LAMA2: variants seen among roughly 807,000 people sequenced by gnomAD.
The protein encoded by LAMA2 is laminin subunit alpha 2.
LAMA2 carries 269 observed loss-of-function variants against 364.8 expected under a neutral mutation model. That is an observed-to-expected ratio of 0.74 (90% confidence interval 0.67 to 0.82). The LOEUF (loss-of-function observed/expected upper bound fraction) is 0.82. LAMA2 is among the 40% of genes least tolerant of loss of function. LAMA2 has a pLI of 0.00. For synonymous variants in LAMA2, 1,379 were observed against 1,370.6 expected (o/e 1.01, Z -0.14); for missense variants, 3,807 against 3,873.2 (o/e 0.98, Z 0.45).
intron 6 of LAMA2, among the ~76,000 whole-genome samples, chr6:129,148,624 TAAC>T (rs1169372562): frequency 6.6e-6 from 1 of 151,982 alleles, no homozygotes; most frequent in Non-Finnish European, 1.5e-5. Flanking sequence ...CCAAAAATAT[TAAC>T]AACATTTTGA....
At chr6:129,158,859 C>A (rs1473523661) in intron 8 of LAMA2, 2 of 1,613,756 alleles carry the variant, frequency 1.2e-6, no homozygotes, top group African/African-American at 2.7e-5. Context: ...TGGTCATCTT[C>A]TTCTATGATG....
chr6:129,296,724 C>T (rs892658747), intron 20 of LAMA2, among the ~76,000 whole-genome samples: 1 of 151,814 alleles, frequency 6.6e-6, no homozygotes, highest in Non-Finnish European at 1.5e-5. Context: ...ATTATTTTTA[C>T]AAAGAAGTAA....
At chr6:129,467,872 C>T (rs1361537203) in intron 51 of LAMA2, among the ~76,000 whole-genome samples, 1 of 151,730 alleles carries the variant, frequency 6.6e-6, no homozygotes, top group Non-Finnish European at 1.5e-5. Flanking sequence ...AAGTTCTTCC[C>T]CCAATAGGTC....
intron 61 of LAMA2, among the ~76,000 whole-genome samples, chr6:129,506,502 T>C (rs578157341): frequency 6.6e-6 from 1 of 152,272 alleles, no homozygotes; most frequent in South Asian, 2.1e-4. Flanking sequence ...GGTGCAGTAG[T>C]TACAGTACAG....
At chr6:129,496,682 A>C (rs1352996720) in intron 58 of LAMA2, among the ~76,000 whole-genome samples, 1 of 152,134 alleles carries the variant, frequency 6.6e-6, no homozygotes, top group Non-Finnish European at 1.5e-5. Flanking sequence ...AAAAGTTAAA[A>C]GTTTTACAGT....
intron 12 of LAMA2, among the ~76,000 whole-genome samples, chr6:129,202,374 A>T (rs1372938574): frequency 4.0e-5 from 6 of 151,826 alleles, no homozygotes; most frequent in Admixed American, 3.3e-4. Context: ...CTTTTGGGGG[A>T]GTGATTAAGT....
chr6:129,023,535 A>G (rs1785591348), intron 1 of LAMA2, among the ~76,000 whole-genome samples: 1 of 152,168 alleles, frequency 6.6e-6, no homozygotes, highest in African/African-American at 2.4e-5. Flanking sequence ...TGTATTCTAT[A>G]CCTGAGTGTC....
intron 2 of LAMA2, among the ~76,000 whole-genome samples, chr6:129,051,538 C>T (rs1788016485): frequency 4.6e-5 from 2 of 43,932 alleles, no homozygotes; most frequent in South Asian, 1.6e-3. Flanking sequence ...TCTCAAACTC[C>T]TGACCTCAAG....
chr6:128,966,589 A>G (rs753437155), intron 1 of LAMA2, among the ~76,000 whole-genome samples: 80 of 152,124 alleles, frequency 5.3e-4, no homozygotes, highest in Middle Eastern at 3.4e-3. Flanking sequence ...TAAGAAAGAC[A>G]TTGTATATAA....
At chr6:129,429,440 A>G (rs1010058777) in intron 41 of LAMA2, among the ~76,000 whole-genome samples, 1 of 152,116 alleles carries the variant, frequency 6.6e-6, no homozygotes, top group South Asian at 2.1e-4. Context: ...TTATCTTAGA[A>G]AGAGAAGAGG....
intron 33 of LAMA2, among the ~76,000 whole-genome samples, chr6:129,369,285 C>A (rs1279919866): frequency 6.6e-6 from 1 of 152,104 alleles, no homozygotes; most frequent in African/African-American, 2.4e-5. Flanking sequence ...TTTTCTGTTT[C>A]ATTCATCACT....
intron 49 of LAMA2, among the ~76,000 whole-genome samples, chr6:129,462,254 G>GT (rs992247194): frequency 1.3e-4 from 20 of 151,178 alleles, no homozygotes; most frequent in South Asian, 1.0e-3. Flanking sequence ...GCATAATCAT[G>GT]TTTTTTTTTC....
intron 51 of LAMA2, among the ~76,000 whole-genome samples, chr6:129,467,065 A>T (rs961127766): frequency 6.6e-6 from 1 of 151,890 alleles, no homozygotes; most frequent in Admixed American, 6.6e-5. Context: ...AAAGAAGGAG[A>T]AGATGGATAT....
At chr6:129,478,275 AT>A (rs11321357) in intron 53 of LAMA2, among the ~76,000 whole-genome samples, 96,348 of 151,628 alleles carry the variant, frequency 0.64, 31,590 homozygotes, top group Non-Finnish European at 0.72. Context: ...ACGTTTTCAG[AT>A]TTTTTTTTCT....
At chr6:129,318,676 G>T (rs1774768759) in intron 27 of LAMA2, among the ~76,000 whole-genome samples, 2 of 152,142 alleles carry the variant, frequency 1.3e-5, no homozygotes, top group South Asian at 4.1e-4. Flanking sequence ...CCACCACTGT[G>T]TGTACTTACA....
At chr6:128,903,893 G>A (rs1285814856) in intron 1 of LAMA2, among the ~76,000 whole-genome samples, 1 of 152,190 alleles carries the variant, frequency 6.6e-6, no homozygotes, top group Non-Finnish European at 1.5e-5. Flanking sequence ...TAAGAGGCCT[G>A]CTGCTGGGAT....
In LAMA2 at chr6:129,393,063, GA is replaced by G. The variant is rs1211739649; in HGVS notation, c.5259del (p.Val1754Ter). On this transcript the variant is annotated frameshift_variant, in exon 37 of 65. Coordinates refer to ENST00000421865, the MANE Select transcript of LAMA2 (RefSeq NM_000426.4). LOFTEE classifies it high-confidence loss of function. ...DELVAAEALL[K>X]KVKKLFGESR... ...GTTACAGAGCTGCAGAAGCCCTTCT[GA>G]AAAAAGTGAAGAAGCTGTTTGGAGA... 1.2e-6 allele frequency: 2 copies of G among 1,613,706 alleles called. No individual in the cohort carries two copies. Among genetic ancestry groups the G allele is most frequent in the Middle Eastern group, 1.7e-4 (1 of 6,054 alleles).
intron 3 of LAMA2, among the ~76,000 whole-genome samples, chr6:129,067,247 A>G (rs1789423843): frequency 7.2e-5 from 1 of 13,796 alleles, no homozygotes; most frequent in African/African-American, 1.4e-4. Flanking sequence ...ACCTTACCTG[A>G]GTATACCTTA....
chr6:129,105,729 T>G (rs1352571072), intron 4 of LAMA2, among the ~76,000 whole-genome samples: 1 of 152,146 alleles, frequency 6.6e-6, no homozygotes, highest in Non-Finnish European at 1.5e-5. Context: ...GCAAATAAAC[T>G]TCGAACTAAA....
Sources: allele counts gnomAD v4.1 joint callset (sites outside exome capture counted in the v4.1 genomes callset), GRCh38; gene constraint gnomAD v4.1.1; transcripts MANE v1.5; gene names NCBI Gene and HGNC (gene_info 2026-07-23, HGNC 2026-07-21).